Variants in EXOC5 observed in about 807,000 individuals in gnomAD.
The protein encoded by EXOC5 is exocyst complex component 5, also known as SEC10-like 1.
Under a neutral mutation model 90.8 loss-of-function variants are expected in EXOC5, and 17 were observed. The observed-to-expected ratio is 0.19, with a 90% confidence interval of 0.13 to 0.28. The LOEUF is 0.28. Ranked by LOEUF, EXOC5 falls within the 10% of genes least tolerant of loss-of-function variation. The pLI is 1.00. For synonymous variants in EXOC5, 260 were observed against 270.0 expected, an observed-to-expected ratio of 0.96 and a Z score of 0.36; for missense variants, 569 against 830.6, an observed-to-expected ratio of 0.69 and a Z score of 3.87.
chr14:57,252,886 G>A (rs1357622167), intron 1 of EXOC5, among the ~76,000 whole-genome samples: 13 of 152,150 alleles, frequency 8.5e-5, no homozygotes, highest in Non-Finnish European at 1.6e-4. Flanking sequence ...ATCAATCTAA[G>A]TGTCCATCAA....
intron 4 of EXOC5, among the ~76,000 whole-genome samples, chr14:57,240,034 C>T (rs543579235): frequency 1.3e-5 from 2 of 152,076 alleles, no homozygotes; most frequent in African/African-American, 2.4e-5. Context: ...AAAGGATAAA[C>T]GAGATTTATA....
chr14:57,262,695 G>GTA lies in EXOC5; in HGVS notation c.27+5925_27+5926dup, dbSNP rs200507075. On this transcript the variant is annotated intron_variant, in intron 1 of 17. Transcript: ENST00000621441. ...GTATATATATACATTAAGTATATAT[G>GTA]TATATATATATGTATATATATGTGT... Among the ~76,000 whole-genome samples, 37 of 144,958 alleles carry GTA rather than the reference G, an allele frequency of 2.6e-4. No homozygotes were observed. The South Asian group carries it at 3.4e-3, about 13-fold the overall frequency.
Position 57,235,839 on chromosome 14 carries a change from A to C in EXOC5, c.560-19T>G. Reference sequence around the variant, plus strand: ...TATTTACCTAAAAATAAAGTCATTCAGCTACACTGAGGCATACAAGGCATC... The same window carrying C: ...TATTTACCTAAAAATAAAGTCATTCCGCTACACTGAGGCATACAAGGCATC... On this transcript the variant is annotated intron_variant, in intron 6 of 17. Transcript: ENST00000621441. 8.1e-7 allele frequency: 1 copy of C among 1,241,330 alleles called. No homozygotes were observed. Among genetic ancestry groups the C allele is most frequent in the Non-Finnish European group, 1.2e-6 (1 of 863,272 alleles). The allele number at this position is 1,241,330 out of a possible 1,614,324, so 76.9% of individuals were successfully genotyped here. A position where few individuals can be genotyped will look rare whatever the true frequency, so the allele number is the denominator to read the frequency against.
rs1311792777 is a variant in EXOC5, at chr14:57,222,351, T to C, written c.1362A>G (p.Leu454=). ...AAGCATAATCAATATGCTCAATACA[T>C]AAAAATTCCACAAGAATGGTAAAAA... ...FRIFTILVEF[L]CIEHIDYALE... is the part of the protein sequence containing the mutation. The change falls in exon 13 of 18, where the codon TTA becomes TTG. Residue 454 remains leucine, a synonymous_variant. Coordinates refer to ENST00000621441, the MANE Select transcript of EXOC5 (RefSeq NM_006544.4). 3.1e-6 allele frequency: 5 copies of C among 1,599,762 alleles called. No homozygotes were observed. The highest frequency in any genetic ancestry group is 4.3e-6 in the Non-Finnish European group (5 of 1,171,038).
intron 12 of EXOC5, among the ~76,000 whole-genome samples, chr14:57,229,352 A>AGTTCTGTATCT (rs1883406663): frequency 6.6e-6 from 1 of 152,128 alleles, no homozygotes; most frequent in Non-Finnish European, 1.5e-5. Context: ...GTTCTCTCTA[A>AGTTCTGTATCT]CTGTAAGTTC....
At chr14:57,256,653 C>G (rs1463807582) in intron 1 of EXOC5, among the ~76,000 whole-genome samples, 3 of 152,210 alleles carry the variant, frequency 2.0e-5, no homozygotes, top group Non-Finnish European at 4.4e-5. Context: ...GGGACTTGCT[C>G]TAACTGCTAA....
intron 12 of EXOC5, among the ~76,000 whole-genome samples, chr14:57,225,912 C>G (rs1432422841): frequency 6.6e-6 from 1 of 152,204 alleles, no homozygotes; most frequent in East Asian, 1.9e-4. Flanking sequence ...AAGAGACAAA[C>G]AGTCGTATTC....
chr14:57,238,363 T>TACACAC (rs1239763707), intron 5 of EXOC5, among the ~76,000 whole-genome samples: 27 of 94,082 alleles, frequency 2.9e-4, no homozygotes, highest in Admixed American at 2.8e-3. Flanking sequence ...TATATATATA[T>TACACAC]ATATATATAT....
rs1176725710 is a variant in EXOC5 at position 57,204,685 on chromosome 14, C to A, written c.*3924G>T. 6.6e-6 allele frequency: 1 copy of A among 152,196 alleles called. No individual in the cohort carries two copies. The highest frequency in any genetic ancestry group is 2.4e-5 in the African/African-American group (1 of 41,342). The allele number at this position is 152,196 out of a possible 1,614,324, so 9.4% of individuals were successfully genotyped here. A position where few individuals can be genotyped will look rare whatever the true frequency, so the allele number is the denominator to read the frequency against. ...AGCTGGAAAAGTATATAAAATAATA[C>A]CAATAAAGATTTGTGATAGACATAT... On this transcript the variant is annotated 3_prime_UTR_variant, in exon 18 of 18. Transcript: ENST00000621441.
chr14:57,244,043 A>C, intron 4 of EXOC5, 122 bp downstream of exon 4: 1 of 646,676 alleles, frequency 1.5e-6, no homozygotes, highest in Non-Finnish European at 2.7e-6. Context: ...AACAATAAAA[A>C]CTTTTAATAA....
At position 57,205,199 on chromosome 14, in the gene EXOC5, A is replaced by G. The variant is rs1473571541; in HGVS notation, c.*3410T>C. On this transcript the variant is annotated 3_prime_UTR_variant, in exon 18 of 18. Transcript: ENST00000621441. ...GTAACTATAATTATCTTTATTATGC[A>G]GCAAAATTTTTTAAATTGCTAACTT... The G allele has an allele frequency of 6.6e-6, 1 of 152,088 alleles. No homozygotes were observed. The highest frequency in any genetic ancestry group is 1.5e-5 in the Non-Finnish European group (1 of 67,950). 9.4% of individuals were successfully genotyped at this position (152,088 alleles called of 1,614,324 possible). A position where few individuals can be genotyped will look rare whatever the true frequency, so the allele number is the denominator to read the frequency against.
intron 1 of EXOC5, among the ~76,000 whole-genome samples, chr14:57,250,780 C>T (rs1377667762): frequency 6.6e-6 from 1 of 152,110 alleles, no homozygotes; most frequent in African/African-American, 2.4e-5. Context: ...CTAAAGTCGC[C>T]CCTGTCCAGT....
chr14:57,246,804 C>T lies in EXOC5; in HGVS notation c.177G>A (p.Arg59=), dbSNP rs370258720. The T allele has an allele frequency of 6.2e-7, 1 of 1,602,222 alleles. No homozygotes were observed. The stretch of plus-strand genomic sequence containing the variant: ...CTAGTTTCTCTACTTTCCTCTGAAT[C>T]CTTTCATCCATTATCTGGAGTTCCT... ...HIQELQIMDE[R]IQRKVEKLEQ... The change falls in exon 3 of 18, where the codon AGG becomes AGA. Residue 59 remains arginine (R), a synonymous_variant. Transcript: ENST00000621441.
At chr14:57,230,693 G>GCC (rs1232903998) in intron 11 of EXOC5, among the ~76,000 whole-genome samples, 1 of 152,160 alleles carries the variant, frequency 6.6e-6, no homozygotes, top group Non-Finnish European at 1.5e-5. Context: ...TAGCTAAGAT[G>GCC]CCAACTATTC....
intron 1 of EXOC5, among the ~76,000 whole-genome samples, chr14:57,252,123 A>G (rs1333288235): frequency 6.6e-6 from 1 of 152,190 alleles, no homozygotes; most frequent in Non-Finnish European, 1.5e-5. Flanking sequence ...GAATTTTGCT[A>G]AACATTTTAC....
At chr14:57,231,322 TG>T (rs1403535820) in intron 11 of EXOC5, among the ~76,000 whole-genome samples, 183 bp downstream of exon 11, 1 of 152,176 alleles carries the variant, frequency 6.6e-6, no homozygotes, top group African/African-American at 2.4e-5. Context: ...ATTTCAATCA[TG>T]TTATGTTAGG....
chr14:57,222,115 T>A (rs1883156819), intron 13 of EXOC5, among the ~76,000 whole-genome samples, 193 bp downstream of exon 13: 1 of 152,126 alleles, frequency 6.6e-6, no homozygotes, highest in Non-Finnish European at 1.5e-5. Context: ...ATGCCATATG[T>A]AAACAATATG....
At chr14:57,250,662 T>TCTACA in intron 1 of EXOC5, among the ~76,000 whole-genome samples, 2 of 152,072 alleles carry the variant, frequency 1.3e-5, no homozygotes, top group African/African-American at 4.8e-5. Flanking sequence ...GCATACCTAG[T>TCTACA]GGTCATTTCT....
intron 1 of EXOC5, chr14:57,268,398 C>T (rs1021091958): frequency 7.6e-7 from 1 of 1,310,932 alleles, no homozygotes; most frequent in African/African-American, 1.5e-5. Context: ...CCGGCTTCCC[C>T]TCTCTGCCGA....
Sources: allele counts gnomAD v4.1 joint callset (sites outside exome capture counted in the v4.1 genomes callset), GRCh38; gene constraint gnomAD v4.1.1; transcripts MANE v1.5; gene names NCBI Gene and HGNC (gene_info 2026-07-23, HGNC 2026-07-21).